KCNIP4: variants seen among roughly 807,000 people sequenced by gnomAD.
KCNIP4 encodes the protein Kv channel-interacting protein 4.
In KCNIP4, 12 loss-of-function variants were observed where a neutral mutation model predicts 34.0. The observed-to-expected ratio is 0.35, with a 90% CI of 0.23 to 0.57. KCNIP4 has a LOEUF of 0.57. Among genes scored for constraint, KCNIP4 ranks in the 20% least tolerant of loss-of-function variants. The pLI is 0.83. For missense variants in KCNIP4, 238 were observed against 311.7 expected, an observed-to-expected ratio of 0.76 and a Z score of 1.78; for synonymous variants, 124 against 102.2, an observed-to-expected ratio of 1.21 and a Z score of -1.29.
At chr4:21,322,118 AAAGGAAG>A (rs1714551521) in intron 1 of KCNIP4, among the ~76,000 whole-genome samples, 1 of 131,146 alleles carries the variant, frequency 7.6e-6, no homozygotes, top group African/African-American at 2.9e-5. Context: ...GGGAAGGAAG[AAAGGAAG>A]AAGGAAGGAA....
chr4:21,495,519 G>C (rs1258307237), intron 1 of KCNIP4, among the ~76,000 whole-genome samples: 2 of 152,086 alleles, frequency 1.3e-5, no homozygotes, highest in African/African-American at 4.8e-5. Context: ...TTAATGATCC[G>C]ATGATGATAA....
At chr4:21,785,637 C>T (rs28841296) in intron 1 of KCNIP4, among the ~76,000 whole-genome samples, 13,781 of 136,982 alleles carry the variant, frequency 0.1, 647 homozygotes, top group Middle Eastern at 0.16. Flanking sequence ...TAACCATGAG[C>T]TATTATCCCC....
chr4:21,901,748 C>T (rs550727148), intron 1 of KCNIP4, among the ~76,000 whole-genome samples: 1 of 152,244 alleles, frequency 6.6e-6, no homozygotes, highest in East Asian at 1.9e-4. Context: ...AGATTCATTA[C>T]TCCCTCCACA....
chr4:21,118,665 G>C (rs888828272), intron 1 of KCNIP4, among the ~76,000 whole-genome samples: 1 of 152,130 alleles, frequency 6.6e-6, no homozygotes, highest in African/African-American at 2.4e-5. Context: ...TGGGTGGTGG[G>C]GGGTGGTGGT....
intron 1 of KCNIP4, among the ~76,000 whole-genome samples, chr4:21,271,761 A>C (rs1002089604): frequency 6.6e-6 from 1 of 152,204 alleles, no homozygotes; most frequent in Non-Finnish European, 1.5e-5. Context: ...TCGCACACAC[A>C]TAAGAAGGAA....
chr4:21,109,160 A>C (rs1421368149), intron 1 of KCNIP4, among the ~76,000 whole-genome samples: 1 of 152,012 alleles, frequency 6.6e-6, no homozygotes, highest in African/African-American at 2.4e-5. Context: ...AAGTCTGCAG[A>C]GGTTACTGCT....
chr4:21,312,586 T>C (rs1713304287), intron 1 of KCNIP4, among the ~76,000 whole-genome samples: 1 of 152,210 alleles, frequency 6.6e-6, no homozygotes, highest in South Asian at 2.1e-4. Flanking sequence ...CTTCGGTTTC[T>C]CATACTTCTC....
At position 21,668,195 on chromosome 4, in the gene KCNIP4, C is replaced by A. The variant is rs150467258; in HGVS notation, c.61+280376G>T. Among the ~76,000 whole-genome samples the A allele has an allele frequency of 4.8e-3, 731 of 152,148 alleles. 6 individuals carry two copies. The highest frequency in any genetic ancestry group is 0.017 in the African/African-American group (707 of 41,486). ...GAGTTGAACAATGAGAACACATGGA[C>A]ACAGAGAGGGGAACGTCACACCAGG... On this transcript the variant is annotated intron_variant, in intron 1 of 8. Coordinates refer to ENST00000382152, the MANE Select transcript of KCNIP4 (RefSeq NM_025221.6).
At chr4:21,851,996 A>ATG (rs930861529) in intron 1 of KCNIP4, 123 of 10,588 alleles carry the variant, frequency 0.012, 1 homozygote, top group African/African-American at 0.013. Flanking sequence ...TTCAATTAAT[A>ATG]TGTGTGTGTG....
chr4:21,442,526 G>C (rs111975278), intron 1 of KCNIP4, among the ~76,000 whole-genome samples: 1 of 152,218 alleles, frequency 6.6e-6, no homozygotes, highest in East Asian at 1.9e-4. Context: ...AAGAGATAAT[G>C]TTAGTCCATC....
At chr4:20,787,903 A>T (rs911775905) in intron 3 of KCNIP4, among the ~76,000 whole-genome samples, 3 of 152,102 alleles carry the variant, frequency 2.0e-5, no homozygotes, top group Non-Finnish European at 2.9e-5. Flanking sequence ...TTTCTTACTT[A>T]TGAAGGTTTT....
At chr4:21,723,910 T>C (rs951264681) in intron 1 of KCNIP4, among the ~76,000 whole-genome samples, 2 of 152,096 alleles carry the variant, frequency 1.3e-5, no homozygotes, top group Non-Finnish European at 2.9e-5. Context: ...GATCATTTTA[T>C]AATCTTTAGG....
At chr4:21,153,767 A>C (rs2109254473) in intron 1 of KCNIP4, among the ~76,000 whole-genome samples, 1 of 152,240 alleles carries the variant, frequency 6.6e-6, no homozygotes, top group Admixed American at 6.5e-5. Flanking sequence ...GGGAGCTAAA[A>C]GTACAGCTCC....
At chr4:20,955,101 G>A (rs1039705648) in intron 1 of KCNIP4, among the ~76,000 whole-genome samples, 9 of 152,160 alleles carry the variant, frequency 5.9e-5, no homozygotes, top group Admixed American at 2.6e-4. Context: ...GAGGGTTCTC[G>A]TATTGCAGTG....
intron 1 of KCNIP4, among the ~76,000 whole-genome samples, chr4:21,376,631 G>A (rs1051207340): frequency 6.6e-6 from 1 of 152,142 alleles, no homozygotes; most frequent in Non-Finnish European, 1.5e-5. Context: ...CTCTTAATCT[G>A]TTTAAAGCAT....
chr4:21,864,356 T>C (rs557520427), intron 1 of KCNIP4, among the ~76,000 whole-genome samples: 2 of 152,240 alleles, frequency 1.3e-5, no homozygotes, highest in South Asian at 4.1e-4. Context: ...ACATTTTATT[T>C]TGTCTCATAC....
At chr4:21,815,394 A>C (rs1297771624) in intron 1 of KCNIP4, among the ~76,000 whole-genome samples, 4 of 152,188 alleles carry the variant, frequency 2.6e-5, no homozygotes, top group African/African-American at 9.6e-5. Context: ...GTTAGGTACC[A>C]TTGTTAGTTA....
At chr4:21,887,895 C>T (rs1183596344) in intron 1 of KCNIP4, among the ~76,000 whole-genome samples, 1 of 152,086 alleles carries the variant, frequency 6.6e-6, no homozygotes, top group African/African-American at 2.4e-5. Flanking sequence ...TTTGAATTTC[C>T]AATGTAAAGT....
intron 1 of KCNIP4, among the ~76,000 whole-genome samples, chr4:21,877,897 G>T (rs1004541435): frequency 6.6e-6 from 1 of 152,178 alleles, no homozygotes; most frequent in African/African-American, 2.4e-5. Flanking sequence ...ATGTTCTGGG[G>T]TTGTGGACAA....
Sources: allele counts gnomAD v4.1 joint callset (sites outside exome capture counted in the v4.1 genomes callset), GRCh38; gene constraint gnomAD v4.1.1; transcripts MANE v1.5; gene names NCBI Gene and HGNC (gene_info 2026-07-23, HGNC 2026-07-21).